EDIL3: variants seen among roughly 807,000 people sequenced by gnomAD.
EDIL3 encodes the protein EGF like and discoidin domains 3.
Under a neutral mutation model 67.4 loss-of-function variants are expected in EDIL3, and 37 were observed. The observed-to-expected ratio is 0.55, with a 90% CI of 0.42 to 0.72. The LOEUF is 0.72. Among genes scored for constraint, EDIL3 ranks in the 30% least tolerant of loss-of-function variants. EDIL3 has a pLI of 0.00. For missense variants in EDIL3, 527 were observed against 586.3 expected (o/e 0.90, Z 1.04); for synonymous variants, 195 against 196.3 (o/e 0.99, Z 0.05).
At chr5:84,338,870 A>C (rs535328571) in intron 1 of EDIL3, among the ~76,000 whole-genome samples, 2 of 152,226 alleles carry the variant, frequency 1.3e-5, no homozygotes, top group South Asian at 2.1e-4. Context: ...AGGGCCTTGC[A>C]CTTGGTTTAA....
At chr5:83,959,049 C>T (rs1580252720) in intron 10 of EDIL3, among the ~76,000 whole-genome samples, 2 of 150,986 alleles carry the variant, frequency 1.3e-5, no homozygotes, top group East Asian at 3.9e-4. Flanking sequence ...AACTGCAATT[C>T]TTGTGAATGC....
At chr5:84,150,870 G>C (rs917747322) in intron 4 of EDIL3, among the ~76,000 whole-genome samples, 3 of 152,078 alleles carry the variant, frequency 2.0e-5, no homozygotes, top group Non-Finnish European at 4.4e-5. Flanking sequence ...CCAAACCTGA[G>C]ACAACCTGAT....
intron 9 of EDIL3, among the ~76,000 whole-genome samples, chr5:84,023,794 G>A (rs2301079): frequency 0.19 from 29,028 of 151,894 alleles, 3,109 homozygotes; most frequent in South Asian, 0.25. Context: ...TTTACTAACT[G>A]ACATGGGGTA....
intron 6 of EDIL3, among the ~76,000 whole-genome samples, chr5:84,073,463 A>T (rs1453551718): frequency 2.0e-5 from 3 of 150,912 alleles, no homozygotes; most frequent in South Asian, 2.1e-4. Context: ...GTCTCAGCCC[A>T]AAATCTCCTT....
intron 1 of EDIL3, among the ~76,000 whole-genome samples, chr5:84,292,995 C>G (rs1323298886): frequency 6.6e-6 from 1 of 152,174 alleles, no homozygotes; most frequent in Non-Finnish European, 1.5e-5. Context: ...GTTTCATTAT[C>G]TCCCTTATAA....
chr5:84,381,762 T>C (rs1277447292), intron 1 of EDIL3, among the ~76,000 whole-genome samples: 2 of 152,232 alleles, frequency 1.3e-5, no homozygotes, highest in African/African-American at 2.4e-5. Flanking sequence ...ATGCATGTTA[T>C]TGAATTTTTT....
chr5:83,952,625 T>C (rs1475216892), intron 10 of EDIL3, among the ~76,000 whole-genome samples: 3 of 151,798 alleles, frequency 2.0e-5, no homozygotes, highest in East Asian at 3.9e-4. Flanking sequence ...CTCTTTTCTA[T>C]AAAAGTACAG....
chr5:84,253,922 T>A (rs942759640), intron 2 of EDIL3, among the ~76,000 whole-genome samples, 162 bp downstream of exon 2: 1 of 152,050 alleles, frequency 6.6e-6, no homozygotes, highest in Admixed American at 6.6e-5. Context: ...ATAATTTCAA[T>A]ATAAACTGGA....
Position 84,342,364 on chromosome 5 carries a change from G to A in EDIL3, c.67+41944C>T, listed in dbSNP as rs571731320. Among the ~76,000 whole-genome samples, 13 of 152,062 alleles carry A rather than the reference G, an allele frequency of 8.5e-5. 1 individual carries two copies. Among genetic ancestry groups the A allele is most frequent in the African/African-American group, 1.7e-4 (7 of 41,486 alleles). ...CTGCAGTTTTTGTAATGACAAATAC[G>A]TTTGCACCAACCTAATAGAATTTAG... On this transcript the variant is annotated intron_variant, in intron 1 of 10. Transcript: ENST00000296591.
chr5:84,247,413 T>A (rs529550153), intron 2 of EDIL3, among the ~76,000 whole-genome samples: 1,876 of 152,276 alleles, frequency 0.012, 34 homozygotes, highest in African/African-American at 0.042. Context: ...CGTCAGACTC[T>A]ATTATACTAC....
intron 10 of EDIL3, among the ~76,000 whole-genome samples, chr5:83,957,076 T>A (rs1744528931): frequency 6.6e-6 from 1 of 151,704 alleles, no homozygotes; most frequent in Non-Finnish European, 1.5e-5. Flanking sequence ...TTGTATAAAG[T>A]CATGTATTTT....
chr5:84,246,947 T>A (rs1744920380), intron 2 of EDIL3, among the ~76,000 whole-genome samples: 1 of 152,188 alleles, frequency 6.6e-6, no homozygotes, highest in Non-Finnish European at 1.5e-5. Context: ...AACTTTCCCT[T>A]AATTATCTGT....
intron 2 of EDIL3, among the ~76,000 whole-genome samples, chr5:84,246,195 C>A (rs1341376104): frequency 5.3e-5 from 8 of 152,208 alleles, no homozygotes; most frequent in African/African-American, 1.9e-4. Context: ...CCCCTTCTTG[C>A]ATCCGCACAT....
chr5:84,294,570 AC>A (rs1278852441), intron 1 of EDIL3, among the ~76,000 whole-genome samples: 5 of 152,056 alleles, frequency 3.3e-5, no homozygotes, highest in Non-Finnish European at 5.9e-5. Context: ...ATACATATAT[AC>A]ATACATGTTT....
At chr5:84,118,787 C>A (rs1747719842) in intron 5 of EDIL3, among the ~76,000 whole-genome samples, 1 of 152,252 alleles carries the variant, frequency 6.6e-6, no homozygotes, top group East Asian at 1.9e-4. Context: ...TTTTGATGCA[C>A]ATTAGGATTA....
intron 1 of EDIL3, among the ~76,000 whole-genome samples, chr5:84,319,381 G>C (rs560839824): frequency 4.7e-5 from 5 of 105,566 alleles, no homozygotes; most frequent in African/African-American, 1.7e-4. Flanking sequence ...GGAGAATGGC[G>C]TGAACCCAGA....
chr5:84,073,609 A>G (rs988387628), intron 6 of EDIL3, among the ~76,000 whole-genome samples: 29 of 152,326 alleles, frequency 1.9e-4, no homozygotes, highest in Non-Finnish European at 3.8e-4. Flanking sequence ...TGCTTCAAAG[A>G]GAATAAAATA....
chr5:84,231,556 C>T (rs1744578355), intron 2 of EDIL3, among the ~76,000 whole-genome samples: 1 of 151,276 alleles, frequency 6.6e-6, no homozygotes, highest in Non-Finnish European at 1.5e-5. Flanking sequence ...GGTCTCCACT[C>T]TTTTCCGTTA....
In EDIL3 at chr5:84,356,887, TTC is replaced by T. The variant is rs1244136564; in HGVS notation, c.67+27419_67+27420del. On this transcript the variant is annotated intron_variant, in intron 1 of 10. Transcript: ENST00000296591. Reference sequence around the variant, plus strand: ...AGGACCTTGAGAAAACAATCTTTCTTTCTTTTTTTTTTTTTTTTTTTTTTTTT... The same window carrying T: ...AGGACCTTGAGAAAACAATCTTTCTTTTTTTTTTTTTTTTTTTTTTTTTTT... 1.1e-3 allele frequency among the ~76,000 whole-genome samples: 163 copies of T among 142,788 alleles called. 4 individuals are homozygous for T. The highest frequency in any genetic ancestry group is 4.2e-3 in the African/African-American group (157 of 37,436). 93.7% of individuals were successfully genotyped at this position (142,788 alleles called of 152,430 possible).
Sources: gnomAD v4.1 joint callset for allele counts (sites outside exome capture counted in the v4.1 genomes callset) on GRCh38, gnomAD v4.1.1 for gene constraint, MANE v1.5 for transcripts, NCBI Gene and HGNC (gene_info 2026-07-23, HGNC 2026-07-21) for gene names.